The following SCML4 variants were observed in gnomAD, a reference collection of about 807,000 sequenced individuals.
SCML4 encodes the protein Scm polycomb group protein like 4.
A neutral mutation model predicts 41.1 loss-of-function variants in SCML4; 34 were observed. The observed-to-expected ratio is 0.83, with a 90% CI of 0.63 to 1.10. The LOEUF is 1.10. Among genes scored for constraint, SCML4 ranks in the 50% least tolerant of loss-of-function variants. SCML4 has a pLI of 0.00. For missense variants in SCML4, 522 were observed against 534.1 expected, an observed-to-expected ratio of 0.98 and a Z score of 0.22; for synonymous variants, 214 against 220.9, an observed-to-expected ratio of 0.97 and a Z score of 0.28.
intron 1 of SCML4, among the ~76,000 whole-genome samples, chr6:107,809,690 G>A (rs1403279158): frequency 1.6e-4 from 25 of 152,168 alleles, no homozygotes; most frequent in Admixed American, 1.6e-3. Flanking sequence ...ATGGGGAAGG[G>A]AGCAATGATG....
At chr6:107,707,762 CT>C in intron 7 of SCML4, 103 bp downstream of exon 7, 2 of 1,451,960 alleles carry the variant, frequency 1.4e-6, no homozygotes, top group Non-Finnish European at 1.9e-6. Context: ...TAGAGCACCC[CT>C]CCACCACCTC....
chr6:107,806,944 C>T (rs980103953), intron 1 of SCML4, among the ~76,000 whole-genome samples: 2 of 152,208 alleles, frequency 1.3e-5, no homozygotes, highest in Admixed American at 1.3e-4. Context: ...GCTCCCTCCA[C>T]CCTGGGCTCA....
At chr6:107,718,950 G>A (rs4083470) in intron 6 of SCML4, 80,826 of 152,052 alleles carry the variant, frequency 0.53, 24,226 homozygotes, top group Middle Eastern at 0.7. Flanking sequence ...AAGGGACACC[G>A]TGAGGGCACA....
intron 5 of SCML4, among the ~76,000 whole-genome samples, chr6:107,724,687 G>A (rs978670216): frequency 6.6e-6 from 1 of 152,020 alleles, no homozygotes; most frequent in Non-Finnish European, 1.5e-5. Context: ...TTATTTTTAG[G>A]GTGGCAATTC....
chr6:107,792,610 T>C (rs1782417344), intron 1 of SCML4, among the ~76,000 whole-genome samples: 1 of 151,910 alleles, frequency 6.6e-6, no homozygotes, highest in East Asian at 1.9e-4. Flanking sequence ...TGCATGCCTG[T>C]AGTCCCAGCT....
At chr6:107,837,668 G>A in the SCML4 span, among the ~76,000 whole-genome samples, 2 of 152,094 alleles carry the variant, frequency 1.3e-5, no homozygotes, top group African/African-American at 4.8e-5. Context: ...GGAGTGCAGG[G>A]TCTTTTTCCA....
chr6:107,842,165 C>T, the SCML4 span, among the ~76,000 whole-genome samples: 1 of 152,082 alleles, frequency 6.6e-6, no homozygotes, highest in African/African-American at 2.4e-5. Context: ...TTGAGGCTTT[C>T]CTTTTGGCCC....
chr6:107,831,171 C>A, the SCML4 span, among the ~76,000 whole-genome samples: 1 of 152,106 alleles, frequency 6.6e-6, no homozygotes, highest in Non-Finnish European at 1.5e-5. Context: ...GGGAGGGGGA[C>A]ACAGAGGCCC....
At chr6:107,751,598 C>CTTTG (rs1325056245) in intron 2 of SCML4, among the ~76,000 whole-genome samples, 2 of 140,284 alleles carry the variant, frequency 1.4e-5, no homozygotes, top group African/African-American at 2.7e-5. Flanking sequence ...TTCTTTCTTT[C>CTTTG]TTTCTTTCTT....
chr6:107,784,239 G>T (rs1009840640), intron 1 of SCML4, among the ~76,000 whole-genome samples: 2 of 152,156 alleles, frequency 1.3e-5, no homozygotes, highest in African/African-American at 4.8e-5. Context: ...AAAGCATGGA[G>T]TCTGTCTCTC....
chr6:107,795,430 C>T (rs1371247084), intron 1 of SCML4, among the ~76,000 whole-genome samples: 1 of 152,154 alleles, frequency 6.6e-6, no homozygotes, highest in East Asian at 1.9e-4. Context: ...TTTCATAGGT[C>T]TTAAAAGTAC....
chr6:107,799,904 T>C (rs1782975860), intron 1 of SCML4, among the ~76,000 whole-genome samples: 1 of 152,142 alleles, frequency 6.6e-6, no homozygotes, highest in Non-Finnish European at 1.5e-5. Flanking sequence ...ATATTTAAAA[T>C]AGTTGTTTTA....
chr6:107,823,474 C>T (rs777898427), intron 1 of SCML4, among the ~76,000 whole-genome samples: 2 of 152,084 alleles, frequency 1.3e-5, no homozygotes, highest in Admixed American at 6.5e-5. Flanking sequence ...GGAAAACTGC[C>T]GCTAATACTC....
At chr6:107,718,949 C>T (rs1775094953) in intron 6 of SCML4, 1 of 152,156 alleles carries the variant, frequency 6.6e-6, no homozygotes, top group Non-Finnish European at 1.5e-5. Flanking sequence ...AAAGGGACAC[C>T]GTGAGGGCAC....
intron 1 of SCML4, among the ~76,000 whole-genome samples, chr6:107,791,188 A>G (rs1447790114): frequency 6.6e-6 from 1 of 152,170 alleles, no homozygotes; most frequent in Admixed American, 6.5e-5. Context: ...GAATTAGCCT[A>G]CTGCTTAAAG....
intron 1 of SCML4, among the ~76,000 whole-genome samples, chr6:107,776,740 A>G (rs1385224623): frequency 6.6e-6 from 1 of 152,204 alleles, no homozygotes; most frequent in Non-Finnish European, 1.5e-5. Context: ...CTAAAAAAAG[A>G]ATCTGACAAG....
chr6:107,794,448 A>T (rs926850871), intron 1 of SCML4, among the ~76,000 whole-genome samples: 1 of 152,218 alleles, frequency 6.6e-6, no homozygotes, highest in Admixed American at 6.5e-5. Flanking sequence ...AGAATGTATT[A>T]GTCTGGTGGA....
chr6:107,768,184 G>A (rs1406769000), intron 2 of SCML4, among the ~76,000 whole-genome samples: 4 of 152,008 alleles, frequency 2.6e-5, no homozygotes, highest in African/African-American at 4.8e-5. Context: ...GACCTGGGAA[G>A]TCAAGGCTAC....
At chr6:107,772,675 A>G (rs1047732141) in intron 1 of SCML4, among the ~76,000 whole-genome samples, 9 of 152,208 alleles carry the variant, frequency 5.9e-5, no homozygotes, top group African/African-American at 2.2e-4. Context: ...AACACAGCTG[A>G]TAATGTCACC....
Sources: gnomAD v4.1 joint callset for allele counts (sites outside exome capture counted in the v4.1 genomes callset) on GRCh38, gnomAD v4.1.1 for gene constraint, MANE v1.5 for transcripts, NCBI Gene and HGNC (gene_info 2026-07-23, HGNC 2026-07-21) for gene names.